The following CNNM4 variants were observed in gnomAD, a reference collection of about 807,000 sequenced individuals.
CNNM4 encodes the protein cyclin and CBS domain divalent metal cation transport mediator 4.
Under a neutral mutation model 53.7 loss-of-function variants are expected in CNNM4, and 32 were observed. The ratio of observed to expected loss-of-function variants is 0.60; its 90% CI spans 0.45 to 0.80. The LOEUF (loss-of-function observed/expected upper bound fraction) is 0.80. CNNM4 is among the 30% of genes least tolerant of loss of function. CNNM4 has a pLI of 0.00. For synonymous variants in CNNM4, 410 were observed against 440.0 expected (o/e 0.93, Z 0.85); for missense variants, 784 against 1,022.0 (o/e 0.77, Z 3.17).
At chr2:96,773,922 C>T (rs1302097894) in intron 1 of CNNM4, among the ~76,000 whole-genome samples, 1 of 151,468 alleles carries the variant, frequency 6.6e-6, no homozygotes, top group Non-Finnish European at 1.5e-5. Flanking sequence ...TCAAAAGAAC[C>T]CTCTATATAA....
chr2:96,801,772 CAGAG>C lies in CNNM4; in HGVS notation c.1948+2126_1948+2129del, dbSNP rs944366175. 3.3e-5 allele frequency among the ~76,000 whole-genome samples: 5 copies of C among 151,690 alleles called. No homozygotes were observed. The highest frequency in any genetic ancestry group is 4.9e-5 in the African/African-American group (2 of 41,218). ...CCACACACCCAGACACACACACAGA[CAGAG>C]ATACTACAGACACCCATAGACAGAG... On this transcript the variant is annotated intron_variant, in intron 5 of 6. Coordinates refer to ENST00000377075, the MANE Select transcript of CNNM4 (RefSeq NM_020184.4). This position sits in a 1 kb window ranked among gnomAD's most constrained non-coding sequence, Gnocchi z 5.6.
intron 1 of CNNM4, among the ~76,000 whole-genome samples, chr2:96,785,626 T>C (rs2079010190): frequency 6.7e-6 from 1 of 149,994 alleles, no homozygotes; most frequent in East Asian, 2.0e-4. Flanking sequence ...GAATGAGACC[T>C]TTGTCTCAAA....
intron 5 of CNNM4, among the ~76,000 whole-genome samples, chr2:96,807,596 G>C (rs182025282): frequency 6.6e-6 from 1 of 151,812 alleles, no homozygotes; most frequent in Non-Finnish European, 1.5e-5. Context: ...TTATCCAGGC[G>C]TGGTGTTGGG....
At chr2:96,777,295 AG>A (rs1368117648) in intron 1 of CNNM4, among the ~76,000 whole-genome samples, 1 of 152,222 alleles carries the variant, frequency 6.6e-6, no homozygotes, top group Non-Finnish European at 1.5e-5. Context: ...CTGGGATTAC[AG>A]GCGTGAGCCA....
chr2:96,769,303 G>A (rs2078847412), intron 1 of CNNM4, among the ~76,000 whole-genome samples: 1 of 151,704 alleles, frequency 6.6e-6, no homozygotes. Flanking sequence ...GCTGGGCACA[G>A]TGGCTTTGTA....
At chr2:96,768,321 C>G (rs1236525872) in intron 1 of CNNM4, among the ~76,000 whole-genome samples, 2 of 152,152 alleles carry the variant, frequency 1.3e-5, no homozygotes, top group Non-Finnish European at 2.9e-5. Flanking sequence ...CGTTTTGAAG[C>G]CTCTGTGTCA....
chr2:96,811,267 G>A lies in CNNM4; in HGVS notation c.*1750G>A, dbSNP rs1047425514. On this transcript the variant is annotated 3_prime_UTR_variant, in exon 7 of 7. Coordinates refer to ENST00000377075, the MANE Select transcript of CNNM4 (RefSeq NM_020184.4). ...AGACACCAGACTTTTGTTCCCTAGTGGGGGAAAGCCCTTAGTCTTGTACAG... is the reference window on the plus strand; with the variant it reads ...AGACACCAGACTTTTGTTCCCTAGTAGGGGAAAGCCCTTAGTCTTGTACAG... The A allele has an allele frequency of 6.6e-6, 1 of 152,224 alleles. No homozygotes were observed. The highest frequency in any genetic ancestry group is 6.5e-5 in the Admixed American group (1 of 15,280). The allele number at this position is 152,224 out of a possible 1,614,324, so 9.4% of individuals were successfully genotyped here.
At chr2:96,764,447 C>A (rs2078794618) in intron 1 of CNNM4, among the ~76,000 whole-genome samples, 1 of 152,208 alleles carries the variant, frequency 6.6e-6, no homozygotes, top group Non-Finnish European at 1.5e-5. Flanking sequence ...GGCTGCCCAG[C>A]ACAGCAGGCC....
In CNNM4 at chr2:96,809,414, A is replaced by G; in HGVS notation, c.2225A>G (p.Asn742Ser). Residue 742 changes from asparagine to serine, a missense_variant, in exon 7 of 7, where the codon AAC (asparagine) becomes AGC (serine). By Grantham distance (46) the Asn-to-Ser change is conservative (BLOSUM62 1). Transcript: ENST00000377075. Reference sequence around the variant, plus strand: ...GACGGGTGCACCACCCACATGGAGAACTTGGCCGAGAAGTCTGAGCTGCCT... The same window carrying G: ...GACGGGTGCACCACCCACATGGAGAGCTTGGCCGAGAAGTCTGAGCTGCCT... ...PIDGCTTHME[N>S]LAEKSELPVV... is the part of the protein sequence containing the mutation. 6.2e-7 allele frequency: 1 copy of G among 1,614,142 alleles called. No homozygotes were observed. The highest frequency in any genetic ancestry group is 8.5e-7 in the Non-Finnish European group (1 of 1,180,014).
chr2:96,780,811 C>T (rs980688763), intron 1 of CNNM4, among the ~76,000 whole-genome samples: 3 of 151,844 alleles, frequency 2.0e-5, no homozygotes, highest in East Asian at 1.9e-4. Flanking sequence ...GATCTTGGCT[C>T]GCTGCAACCT....
chr2:96,809,218 C>T, intron 6 of CNNM4, 102 bp from the exon 7 acceptor site: 4 of 1,562,732 alleles, frequency 2.6e-6, no homozygotes, highest in Non-Finnish European at 3.5e-6. Context: ...GTCATGTTCT[C>T]TCTCAACTCA....
chr2:96,808,653 G>A lies in CNNM4; in HGVS notation c.2041G>A (p.Gly681Ser), dbSNP rs536756508. Reference protein sequence around the residue: ...TDVSTAATLAGSSNQFGSSVL... With the variant: ...TDVSTAATLASSSNQFGSSVL... ...CGTCTCAACTGCAGCAACCTTGGCAGGCAGCAGCAACCAGTTTGGCAGCTC... is the reference window on the plus strand; with the variant it reads ...CGTCTCAACTGCAGCAACCTTGGCAAGCAGCAGCAACCAGTTTGGCAGCTC... The change falls in exon 6 of 7, where the codon GGC becomes AGC. Residue 681 changes from glycine to serine, a missense_variant. By Grantham distance (56) the Gly-to-Ser change is moderately conservative. This residue lies in a region of CNNM4 where 307 missense variants were observed against 376.3 expected (regional missense o/e 0.82). Transcript: ENST00000377075. The surrounding 1 kb of genome is among the most constrained non-coding windows in gnomAD (Gnocchi z 4.9). 31 of 1,614,204 alleles carry A rather than the reference G, an allele frequency of 1.9e-5. No homozygotes were observed. The Admixed American group carries it at 5.2e-4, about 27-fold the overall frequency.
At chr2:96,782,900 T>G (rs141939158) in intron 1 of CNNM4, among the ~76,000 whole-genome samples, 2 of 152,276 alleles carry the variant, frequency 1.3e-5, no homozygotes, top group African/African-American at 4.8e-5. Flanking sequence ...ACATGGGACC[T>G]GTGGGCTCTT....
intron 1 of CNNM4, among the ~76,000 whole-genome samples, chr2:96,767,360 C>A (rs187439794): frequency 1.3e-5 from 2 of 152,278 alleles, no homozygotes; most frequent in Non-Finnish European, 2.9e-5. Flanking sequence ...GCTTAAACCT[C>A]GCCTGGAACT....
intron 1 of CNNM4, among the ~76,000 whole-genome samples, chr2:96,766,266 G>T (rs1218289426): frequency 2.0e-5 from 3 of 151,394 alleles, no homozygotes; most frequent in Non-Finnish European, 4.4e-5. Context: ...GTAGAGATGG[G>T]GTTTCACCAT....
Position 96,809,597 on chromosome 2 carries a change from C to A in CNNM4, c.*80C>A. The A allele has an allele frequency of 7.8e-7, 1 of 1,285,730 alleles. No homozygotes were observed. Among genetic ancestry groups the A allele is most frequent in the Non-Finnish European group, 1.1e-6 (1 of 892,714 alleles). 79.6% of individuals were successfully genotyped at this position (1,285,730 alleles called of 1,614,324 possible). A position where few individuals can be genotyped will look rare whatever the true frequency, so the allele number is the denominator to read the frequency against. ...CATGAAGAGAGGGAACCTGTTAGTC[C>A]AGAAAGGATACGGATAGATAGCCTG... On this transcript the variant is annotated 3_prime_UTR_variant, in exon 7 of 7. Coordinates refer to ENST00000377075, the MANE Select transcript of CNNM4 (RefSeq NM_020184.4).
intron 1 of CNNM4, among the ~76,000 whole-genome samples, chr2:96,764,434 A>ACAGGCTGCCCAGCACAG (rs1285427479): frequency 6.6e-6 from 1 of 152,176 alleles, no homozygotes; most frequent in Non-Finnish European, 1.5e-5. Context: ...GGAACTGCAC[A>ACAGGCTGCCCAGCACAG]CAGGCTGCCC....
chr2:96,809,327 G>A lies in CNNM4; in HGVS notation c.2138G>A (p.Arg713Gln), dbSNP rs779826804. The change falls in exon 7 of 7, where the codon CGG (arginine) becomes CAG (glutamine). Residue 713 changes from arginine (R) to glutamine (Q), a missense_variant. By Grantham distance (43) the Arg-to-Gln change is conservative (BLOSUM62 1). This residue lies in a region of CNNM4 where 307 missense variants were observed against 376.3 expected (regional missense o/e 0.82). Transcript: ENST00000377075. Reference sequence around the variant, plus strand: ...CATCCCTTCCTCATGCAGATCACTCGGCAGCAGTACCAGAACGGGCTGCTG... The same window carrying A: ...CATCCCTTCCTCATGCAGATCACTCAGCAGCAGTACCAGAACGGGCTGCTG... Reference protein sequence around the residue: ...LVDLQYIKITRQQYQNGLLAS... With the variant: ...LVDLQYIKITQQQYQNGLLAS... The A allele has an allele frequency of 3.1e-6, 5 of 1,614,016 alleles. No individual in the cohort carries two copies. Among genetic ancestry groups the A allele is most frequent in the South Asian group, 1.1e-5 (1 of 91,056 alleles).
In CNNM4 at chr2:96,808,525, TG is replaced by T; in HGVS notation, c.1949-34del. ...ATGAGGGTGAGAGTGGGCATCGGAGTGGCCTTTGGCATGACAACCTCTGCTC... is the reference window on the plus strand; with the variant it reads ...ATGAGGGTGAGAGTGGGCATCGGAGTGCCTTTGGCATGACAACCTCTGCTC... On this transcript the variant is annotated intron_variant, in intron 5 of 6. Transcript: ENST00000377075. The surrounding 1 kb of genome is among the most constrained non-coding windows in gnomAD (Gnocchi z 4.9). The T allele has an allele frequency of 6.2e-7, 1 of 1,611,516 alleles. No individual in the cohort carries two copies. Among genetic ancestry groups the T allele is most frequent in the Non-Finnish European group, 8.5e-7 (1 of 1,178,310 alleles).
Sources: allele counts gnomAD v4.1 joint callset (sites outside exome capture counted in the v4.1 genomes callset), GRCh38; gene constraint gnomAD v4.1.1; regional missense constraint gnomAD v4.1.1; non-coding constraint Gnocchi (gnomAD v3.1); transcripts MANE v1.5; gene names NCBI Gene and HGNC (gene_info 2026-07-23, HGNC 2026-07-21).